NTN5: variants seen among roughly 807,000 people sequenced by gnomAD.
NTN5 encodes netrin 5.
A neutral mutation model predicts 38.7 loss-of-function variants in NTN5; 42 were observed. The ratio of observed to expected loss-of-function variants is 1.08; its 90% CI spans 0.85 to 1.40. The LOEUF is 1.40. Among genes scored for constraint, NTN5 ranks in the 40% most tolerant of loss-of-function variants. The pLI, the probability that NTN5 is intolerant of heterozygous loss-of-function variation, is 0.00. For missense variants in NTN5, 658 were observed against 716.5 expected (o/e 0.92, Z 0.93); for synonymous variants, 329 against 303.9 (o/e 1.08, Z -0.86).
intron 2 of NTN5, among the ~76,000 whole-genome samples, chr19:48,668,644 G>T (rs1405647507): frequency 6.6e-6 from 1 of 152,190 alleles, no homozygotes; most frequent in African/African-American, 2.4e-5. Flanking sequence ...CCTGAGCTCA[G>T]ATCCTGGCCC....
At chr19:48,668,915 C>T (rs967087136) in intron 2 of NTN5, among the ~76,000 whole-genome samples, 10 of 151,208 alleles carry the variant, frequency 6.6e-5, no homozygotes, top group African/African-American at 2.2e-4. Flanking sequence ...GATGGGTGCT[C>T]GGAAACTGTT....
chr19:48,663,235 C>G, intron 6 of NTN5: 1 of 654,446 alleles, frequency 1.5e-6, no homozygotes, highest in Middle Eastern at 2.4e-4. Flanking sequence ...CTCTGTAAGC[C>G]GAAGAACATG....
Position 48,664,769 on chromosome 19 carries a change from T to C in NTN5, c.632-2A>G, listed in dbSNP as rs781517925. On this transcript the variant is annotated splice_acceptor_variant, in intron 2 of 6. Transcript: ENST00000270235. LOFTEE classifies it high-confidence loss of function. Reference sequence around the variant, plus strand: ...GGGCGTGCTGGTTGCAGGAGCAGGCTAGGAGCAAAATGGGGTGGGGGCGCA... The same window carrying C: ...GGGCGTGCTGGTTGCAGGAGCAGGCCAGGAGCAAAATGGGGTGGGGGCGCA... The C allele has an allele frequency of 6.5e-7, 1 of 1,542,662 alleles. No homozygotes were observed. Among genetic ancestry groups the C allele is most frequent in the Non-Finnish European group, 8.7e-7 (1 of 1,144,802 alleles).
chr19:48,667,722 G>A (rs1382250398), intron 2 of NTN5, among the ~76,000 whole-genome samples: 1 of 152,170 alleles, frequency 6.6e-6, no homozygotes, highest in Non-Finnish European at 1.5e-5. Context: ...CGGGCGTGGT[G>A]GCACACACCT....
intron 1 of NTN5, among the ~76,000 whole-genome samples, chr19:48,672,096 C>G (rs1204726914): frequency 1.3e-5 from 2 of 152,180 alleles, no homozygotes; most frequent in Admixed American, 6.5e-5. Context: ...AGAGTCCCCA[C>G]ATTCTCCACC....
chr19:48,661,829 C>T lies in NTN5; in HGVS notation c.1318G>A (p.Asp440Asn). The T allele has an allele frequency of 7.5e-7, 1 of 1,333,376 alleles. No individual in the cohort carries two copies. The highest frequency in any genetic ancestry group is 9.6e-7 in the Non-Finnish European group (1 of 1,047,116). 82.6% of individuals were successfully genotyped at this position (1,333,376 alleles called of 1,614,324 possible). A position where few individuals can be genotyped will look rare whatever the true frequency, so the allele number is the denominator to read the frequency against. The change falls in exon 7 of 7, where the codon GAC becomes AAC. Residue 440 changes from aspartate (D) to asparagine (N), a missense_variant. Asp to Asn is a conservative substitution (Grantham distance 23). Coordinates refer to ENST00000270235, the MANE Select transcript of NTN5 (RefSeq NM_145807.4). ...LLLGSAVGDP[D>N]PTRLILDRHG... ...CGGTCGAGGATGAGGCGCGTGGGGT[C>T]GGGGTCGCCCACGGCGCTGCCCAGC...
At chr19:48,665,521 C>T (rs550687725) in intron 2 of NTN5, among the ~76,000 whole-genome samples, 1 of 151,624 alleles carries the variant, frequency 6.6e-6, no homozygotes, top group African/African-American at 2.4e-5. Flanking sequence ...GAAACTGGGC[C>T]TCTAAAGAGT....
At position 48,661,656 on chromosome 19, in the gene NTN5, C is replaced by T. The variant is rs766422739; in HGVS notation, c.*21G>A. The T allele has an allele frequency of 4.2e-5, 64 of 1,513,984 alleles. No individual in the cohort carries two copies. Among genetic ancestry groups the T allele is most frequent in the Non-Finnish European group, 5.4e-5 (62 of 1,142,506 alleles). 93.8% of individuals were successfully genotyped at this position (1,513,984 alleles called of 1,614,324 possible). On this transcript the variant is annotated 3_prime_UTR_variant, in exon 7 of 7. Coordinates refer to ENST00000270235, the MANE Select transcript of NTN5 (RefSeq NM_145807.4). Reference sequence around the variant, plus strand: ...GCTCCCAAATTACTTTGTTGGTGCTCGAGGCAGCCCCATCTCACGTCTAGT... The same window carrying T: ...GCTCCCAAATTACTTTGTTGGTGCTTGAGGCAGCCCCATCTCACGTCTAGT...
At chr19:48,671,058 C>G in intron 1 of NTN5, 52 bp from the exon 2 acceptor site, 1 of 1,375,280 alleles carries the variant, frequency 7.3e-7, no homozygotes, top group Non-Finnish European at 9.7e-7. Context: ...AGCCTCTACC[C>G]CTCCTGGAGG....
chr19:48,669,561 C>T lies in NTN5; in HGVS notation c.631+795G>A, dbSNP rs1601212329. On this transcript the variant is annotated intron_variant, in intron 2 of 6. Coordinates refer to ENST00000270235, the MANE Select transcript of NTN5 (RefSeq NM_145807.4). ...ACCATCACCACCACCACCATCACCA[C>T]CACCATCACCACCATCACCACCACG... 4.7e-4 allele frequency among the ~76,000 whole-genome samples: 8 copies of T among 17,122 alleles called. 1 individual carries two copies. The highest frequency in any genetic ancestry group is 6.8e-4 in the African/African-American group (2 of 2,942). The allele number at this position is 17,122 out of a possible 152,430, so 11.2% of individuals were successfully genotyped here. A position where few individuals can be genotyped will look rare whatever the true frequency, so the allele number is the denominator to read the frequency against.
Position 48,670,829 on chromosome 19 carries a change from T to A in NTN5, c.158A>T (p.Asn53Ile), listed in dbSNP as rs752076626. 1 of 1,613,006 alleles carries A rather than the reference T, an allele frequency of 6.2e-7. No individual in the cohort carries two copies. Among genetic ancestry groups the A allele is most frequent in the Non-Finnish European group, 8.5e-7 (1 of 1,179,952 alleles). Residue 53 changes from asparagine (N) to isoleucine (I), a missense_variant, in exon 2 of 7, where the codon AAC (asparagine) becomes ATC (isoleucine). Physicochemically the swap from Asn to Ile is moderately radical, Grantham distance 149. Transcript: ENST00000270235. ...CPQACALSPG[N>I]HLGARETCNG... ...GCAGGTTTCCCTGGCGCCAAGGTGG[T>A]TTCCTGGGGACAGGGCACAGGCCTG...
In NTN5 at chr19:48,670,922, G is replaced by C; in HGVS notation, c.65C>G (p.Pro22Arg). Residue 22 changes from proline to arginine, a missense_variant, in exon 2 of 7, where the codon CCA becomes CGA. Pro to Arg is a moderately radical substitution (Grantham distance 103). Transcript: ENST00000270235. The stretch of plus-strand genomic sequence containing the variant: ...GAGGCAGAATTGGGGGCGGCCCTGT[G>C]GATCGTAGCATGGGTCCGCAGTGGC... ...GQATADPCYD[P>R]QGRPQFCLPP... The C allele has an allele frequency of 6.3e-7, 1 of 1,596,812 alleles. No homozygotes were observed. The highest frequency in any genetic ancestry group is 8.5e-7 in the Non-Finnish European group (1 of 1,170,896).
In NTN5 at chr19:48,664,016, A is replaced by G. The variant is rs925273062; in HGVS notation, c.970+127T>C. The G allele has an allele frequency of 2.3e-6, 3 of 1,286,946 alleles. No homozygotes were observed. The African/African-American group carries it at 4.5e-5, about 19-fold the overall frequency. 79.7% of individuals were successfully genotyped at this position (1,286,946 alleles called of 1,614,324 possible). A position where few individuals can be genotyped will look rare whatever the true frequency, so the allele number is the denominator to read the frequency against. On this transcript the variant is annotated intron_variant, in intron 4 of 6. Coordinates refer to ENST00000270235, the MANE Select transcript of NTN5 (RefSeq NM_145807.4). Reference sequence around the variant, plus strand: ...AGTCCCTGCTTATCCGAGGGCCCAGAGTCCAGCCTCCAGCCTTGGGCTCCC... The same window carrying G: ...AGTCCCTGCTTATCCGAGGGCCCAGGGTCCAGCCTCCAGCCTTGGGCTCCC...
At chr19:48,671,745 G>A (rs1192251397) in intron 1 of NTN5, among the ~76,000 whole-genome samples, 1 of 152,112 alleles carries the variant, frequency 6.6e-6, no homozygotes, top group African/African-American at 2.4e-5. Context: ...CCCACATGGG[G>A]CCCTAACCTT....
rs1164774303 is a variant in NTN5, at chr19:48,665,820, G to GA, written c.632-1054dup. Among the ~76,000 whole-genome samples the GA allele has an allele frequency of 4.7e-3, 651 of 138,922 alleles. 2 individuals carry two copies. The highest frequency in any genetic ancestry group is 0.012 in the African/African-American group (451 of 37,618). 91.1% of individuals were successfully genotyped at this position (138,922 alleles called of 152,430 possible). On this transcript the variant is annotated intron_variant, in intron 2 of 6. Coordinates refer to ENST00000270235, the MANE Select transcript of NTN5 (RefSeq NM_145807.4). ...GGTGACAGAGCAAGACTCCATCTCA[G>GA]AAAAAAAAAAAACAAAAAGAGTGGG...
Position 48,661,753 on chromosome 19 carries a change from C to A in NTN5, c.1394G>T (p.Arg465Leu). The change falls in exon 7 of 7, where the codon CGG becomes CTG. Residue 465 changes from arginine (R) to leucine (L), a missense_variant. Physicochemically the swap from Arg to Leu is moderately radical, Grantham distance 102. Coordinates refer to ENST00000270235, the MANE Select transcript of NTN5 (RefSeq NM_145807.4). ...TCCGGCGCGCTCCTCCTGCTGCAGCCGCTTCAGGGGCCGGGCCCAGCGCGG... is the reference window on the plus strand; with the variant it reads ...TCCGGCGCGCTCCTCCTGCTGCAGCAGCTTCAGGGGCCGGGCCCAGCGCGG... ...WRPRWARPLK[R>L]LQQEERAGGC... 6.6e-7 allele frequency: 1 copy of A among 1,515,942 alleles called. No homozygotes were observed. The highest frequency in any genetic ancestry group is 8.8e-7 in the Non-Finnish European group (1 of 1,142,450). The allele number at this position is 1,515,942 out of a possible 1,614,324, so 93.9% of individuals were successfully genotyped here.
At chr19:48,668,848 T>C (rs1295907155) in intron 2 of NTN5, among the ~76,000 whole-genome samples, 2 of 152,032 alleles carry the variant, frequency 1.3e-5, no homozygotes, top group Admixed American at 1.3e-4. Context: ...GCTGTCCTGT[T>C]CCCCTACAAC....
chr19:48,664,269 C>T lies in NTN5; in HGVS notation c.844G>A (p.Ala282Thr). ...CRACQCHPIG[A>T]TGGTCNQTSG... ...GTCTGGTTGCAGGTTCCTCCTGTTG[C>T]CCCAATAGGGTGGCACTGGCAGGCT... The change falls in exon 4 of 7, where the codon GCA (alanine) becomes ACA (threonine). Residue 282 changes from alanine (A) to threonine (T), a missense_variant. Ala to Thr is a moderately conservative substitution (Grantham distance 58). Coordinates refer to ENST00000270235, the MANE Select transcript of NTN5 (RefSeq NM_145807.4). 1 of 1,613,006 alleles carries T rather than the reference C, an allele frequency of 6.2e-7. No homozygotes were observed. The highest frequency in any genetic ancestry group is 1.1e-5 in the South Asian group (1 of 90,800).
rs541675699 is a variant in NTN5, at chr19:48,668,092, C to G, written c.631+2264G>C. ...GGCTGTTGGAGGGAGGTAGGGAAGG[C>G]CTGGTCTGGAAGCACCTGTGGGAAA... On this transcript the variant is annotated intron_variant, in intron 2 of 6. Coordinates refer to ENST00000270235, the MANE Select transcript of NTN5 (RefSeq NM_145807.4). Among the ~76,000 whole-genome samples, 12 of 152,174 alleles carry G rather than the reference C, an allele frequency of 7.9e-5. 1 individual carries two copies. In the South Asian group the frequency reaches 2.5e-3, roughly 32 times the overall value.
Sources: allele counts gnomAD v4.1 joint callset (sites outside exome capture counted in the v4.1 genomes callset), GRCh38; gene constraint gnomAD v4.1.1; transcripts MANE v1.5; gene names NCBI Gene and HGNC (gene_info 2026-07-23, HGNC 2026-07-21).